CFAP92: variants seen among roughly 807,000 people sequenced by gnomAD.
The protein encoded by CFAP92 is uncharacterized protein CFAP92.
A neutral mutation model predicts 106.3 loss-of-function variants in CFAP92; 86 were observed. The observed-to-expected ratio is 0.81, with a 90% CI of 0.68 to 0.97. CFAP92 has a LOEUF of 0.97. CFAP92 is among the 50% of genes least tolerant of loss of function. The pLI, the probability that CFAP92 is intolerant of heterozygous loss-of-function variation, is 0.00. For synonymous variants in CFAP92, 477 were observed against 506.4 expected, an observed-to-expected ratio of 0.94 and a Z score of 0.78; for missense variants, 1,204 against 1,283.8, an observed-to-expected ratio of 0.94 and a Z score of 0.95.
At chr3:128,949,895 C>T (rs548795904) in intron 9 of CFAP92, among the ~76,000 whole-genome samples, 1 of 152,218 alleles carries the variant, frequency 6.6e-6, no homozygotes, top group African/African-American at 2.4e-5. Flanking sequence ...CCCATGTTGG[C>T]CAGGCTGGTC....
intron 15 of CFAP92, among the ~76,000 whole-genome samples, chr3:128,912,342 C>T (rs1321577691): frequency 6.6e-6 from 1 of 152,158 alleles, no homozygotes; most frequent in Non-Finnish European, 1.5e-5. Context: ...CCCTTTCTCT[C>T]CCTGCAGCCC....
the CFAP92 span, among the ~76,000 whole-genome samples, chr3:129,021,225 T>C: frequency 6.6e-6 from 1 of 152,226 alleles, no homozygotes; most frequent in Non-Finnish European, 1.5e-5. Flanking sequence ...TTCGTCATGA[T>C]GATCTGAGAC....
At chr3:128,987,872 T>A in intron 3 of CFAP92, 43 bp from the exon 4 acceptor site, 1 of 1,528,278 alleles carries the variant, frequency 6.5e-7, no homozygotes, top group East Asian at 2.4e-5. Context: ...GGGAAAGATG[T>A]GCAAAGGCCG....
At chr3:128,982,032 G>A (rs1190181433) in intron 4 of CFAP92, among the ~76,000 whole-genome samples, 1 of 152,114 alleles carries the variant, frequency 6.6e-6, no homozygotes, top group African/African-American at 2.4e-5. Flanking sequence ...AATGAGCATT[G>A]GCCTCTACTT....
At chr3:129,007,783 T>C in the CFAP92 span, among the ~76,000 whole-genome samples, 2 of 152,250 alleles carry the variant, frequency 1.3e-5, no homozygotes, top group South Asian at 2.1e-4. Context: ...CTATTGTTCA[T>C]GTTAGGGCTT....
At chr3:128,993,459 G>A in intron 1 of CFAP92, 123 bp from the exon 2 acceptor site, 1 of 966,960 alleles carries the variant, frequency 1.0e-6, no homozygotes, top group Non-Finnish European at 1.5e-6. Flanking sequence ...GCTCCTAGAT[G>A]AACGCCGGGG....
chr3:128,983,246 CAT>C (rs776752049), intron 4 of CFAP92, among the ~76,000 whole-genome samples: 3 of 152,332 alleles, frequency 2.0e-5, no homozygotes, highest in Non-Finnish European at 4.4e-5. Context: ...AATAAGCACA[CAT>C]GTCTGGGATA....
intron 12 of CFAP92, among the ~76,000 whole-genome samples, chr3:128,924,901 T>C (rs1468622241): frequency 1.3e-5 from 2 of 152,136 alleles, no homozygotes; most frequent in African/African-American, 4.8e-5. Context: ...CACCTGCTTC[T>C]TTGTTTGATC....
chr3:128,964,836 G>A (rs1470609347), intron 9 of CFAP92, among the ~76,000 whole-genome samples: 2 of 151,882 alleles, frequency 1.3e-5, no homozygotes, highest in African/African-American at 2.4e-5. Context: ...CCCTAATCCC[G>A]CTTGAAGCAG....
intron 10 of CFAP92, among the ~76,000 whole-genome samples, chr3:128,943,920 G>GTTTTTTTTTT (rs768570835): frequency 4.5e-5 from 5 of 110,150 alleles, no homozygotes; most frequent in African/African-American, 7.6e-5. Flanking sequence ...TATTTCCCCC[G>GTTTTTTTTTT]TTTTTTTTTT....
chr3:128,972,680 AC>A (rs1942887150), intron 7 of CFAP92, among the ~76,000 whole-genome samples: 1 of 149,544 alleles, frequency 6.7e-6, no homozygotes. Flanking sequence ...ACATGGTGAA[AC>A]CCCATCTTTA....
Position 128,922,324 on chromosome 3 carries a change from T to C in CFAP92, c.2752-6053A>G, listed in dbSNP as rs1347906664. On this transcript the variant is annotated intron_variant, in intron 12 of 15. Transcript: ENST00000645291. Reference sequence around the variant, plus strand: ...TGCCACTGCACTCCAGCCTGGGCAATAGAGCAAGGCTCCATCTCAAAAAAA... The same window carrying C: ...TGCCACTGCACTCCAGCCTGGGCAACAGAGCAAGGCTCCATCTCAAAAAAA... 3.3e-5 allele frequency among the ~76,000 whole-genome samples: 5 copies of C among 150,582 alleles called. No individual in the cohort carries two copies. The East Asian group carries it at 9.8e-4, about 29-fold the overall frequency.
intron 7 of CFAP92, among the ~76,000 whole-genome samples, chr3:128,972,673 TG>T (rs1942886483): frequency 6.6e-6 from 1 of 151,522 alleles, no homozygotes; most frequent in Admixed American, 6.6e-5. Flanking sequence ...CTGGCCAACA[TG>T]GTGAAACCCC....
At chr3:129,005,785 C>G (rs561640100), upstream of CFAP92, among the ~76,000 whole-genome samples, 2 of 152,382 alleles carry the variant, frequency 1.3e-5, no homozygotes, top group East Asian at 3.9e-4. Flanking sequence ...GAGGCAGACT[C>G]TGGGCCAGCC....
At chr3:128,965,475 G>A (rs182071588) in intron 9 of CFAP92, 36 bp downstream of exon 9, 215 of 398,948 alleles carry the variant, frequency 5.4e-4, no homozygotes, top group African/African-American at 2.2e-3. Context: ...TGGAAGGGGA[G>A]GAGCTCTAAA....
intron 9 of CFAP92, among the ~76,000 whole-genome samples, chr3:128,957,453 A>T (rs1388389873): frequency 6.6e-6 from 1 of 152,218 alleles, no homozygotes; most frequent in Admixed American, 6.5e-5. Context: ...CGTTAAATAT[A>T]ATATCCAGAG....
In CFAP92 at chr3:128,987,629, A is replaced by T. The variant is rs1429667886; in HGVS notation, c.654T>A (p.Ala218=). ...KTAGFTDDVG[A]FHKSEVRHLV... ...AAACCAGAGCACCTGACTTATGAAA[A>T]GCTCCCACGTCGTCTGTGAAGCCGG... Residue 218 remains alanine, a synonymous_variant, in exon 4 of 16, where the codon GCT becomes GCA. Transcript: ENST00000645291. The T allele has an allele frequency of 6.2e-7, 1 of 1,613,790 alleles. No individual in the cohort carries two copies. Among genetic ancestry groups the T allele is most frequent in the Non-Finnish European group, 8.5e-7 (1 of 1,179,814 alleles).
intron 9 of CFAP92, among the ~76,000 whole-genome samples, chr3:128,958,769 C>T (rs549983852): frequency 2.6e-5 from 4 of 152,100 alleles, no homozygotes; most frequent in South Asian, 2.1e-4. Flanking sequence ...GGTGTGGTGG[C>T]GTGTGCCTGC....
intron 8 of CFAP92, among the ~76,000 whole-genome samples, 183 bp from the exon 9 acceptor site, chr3:128,965,878 G>C (rs1407637458): frequency 6.6e-6 from 1 of 151,840 alleles, no homozygotes; most frequent in African/African-American, 2.4e-5. Flanking sequence ...ACCTGTGCTA[G>C]TTTCTCAAAC....
Sources: gnomAD v4.1 joint callset for allele counts (sites outside exome capture counted in the v4.1 genomes callset) on GRCh38, gnomAD v4.1.1 for gene constraint, MANE v1.5 for transcripts, NCBI Gene and HGNC (gene_info 2026-07-23, HGNC 2026-07-21) for gene names.